The following CCDC60 variants were observed in gnomAD, a reference collection of about 807,000 sequenced individuals.
The protein encoded by CCDC60 is coiled-coil domain containing 60.
In CCDC60, 54 loss-of-function variants were observed where a neutral mutation model predicts 63.5. The ratio of observed to expected loss-of-function variants is 0.85; its 90% confidence interval spans 0.68 to 1.07. CCDC60 has a LOEUF of 1.07. Ranked by LOEUF, CCDC60 falls within the 50% of genes least tolerant of loss-of-function variation. The pLI, the probability that CCDC60 is intolerant of heterozygous loss-of-function variation, is 0.00. For missense variants in CCDC60, 651 were observed against 684.3 expected (o/e 0.95, Z 0.54); for synonymous variants, 206 against 238.8 (o/e 0.86, Z 1.27).
Position 119,530,937 on chromosome 12 carries a change from C to G in CCDC60, c.1425C>G (p.Ile475Met), listed in dbSNP as rs1409906643. ...AGAACTTCCGCCCCGCCAAAAAGAT[C>G]CTGGTGAAACTGCAGAAGTTTGGAG... ...DLKNFRPAKKILVKLQKFGEN... is the reference protein window; with the variant it reads ...DLKNFRPAKKMLVKLQKFGEN... The change falls in exon 13 of 14, where the codon ATC (isoleucine) becomes ATG (methionine). Residue 475 changes from isoleucine (I) to methionine (M), a missense_variant. Physicochemically the swap from Ile to Met is conservative, Grantham distance 10. Transcript: ENST00000327554. 1 of 1,614,154 alleles carries G rather than the reference C, an allele frequency of 6.2e-7. No homozygotes were observed. Among genetic ancestry groups the G allele is most frequent in the East Asian group, 2.2e-5 (1 of 44,886 alleles).
At chr12:119,453,210 C>T in intron 2 of CCDC60, among the ~76,000 whole-genome samples, 1 of 152,174 alleles carries the variant, frequency 6.6e-6, no homozygotes, top group East Asian at 1.9e-4. Flanking sequence ...CTGTTATCAG[C>T]ACTGTCTTCC....
In CCDC60 at chr12:119,425,496, T is replaced by C. The variant is rs919384185; in HGVS notation, c.91-3187T>C. Among the ~76,000 whole-genome samples the C allele has an allele frequency of 2.6e-5, 4 of 152,212 alleles. No individual in the cohort carries two copies. In the East Asian group the frequency reaches 7.7e-4, roughly 29 times the overall value. ...TGTATTTCAGATAGAATTTTGTGGC[T>C]GCAGGTAACAGAAAACCTAATTTAA... On this transcript the variant is annotated intron_variant, in intron 1 of 13. Coordinates refer to ENST00000327554, the MANE Select transcript of CCDC60 (RefSeq NM_178499.5).
At chr12:119,467,587 T>C (rs1950975029) in intron 2 of CCDC60, among the ~76,000 whole-genome samples, 1 of 152,260 alleles carries the variant, frequency 6.6e-6, no homozygotes, top group African/African-American at 2.4e-5. Context: ...GCTGGCACCC[T>C]GATCTTGGGC....
chr12:119,445,627 C>T (rs939825782), intron 2 of CCDC60, among the ~76,000 whole-genome samples: 9 of 151,980 alleles, frequency 5.9e-5, no homozygotes, highest in Admixed American at 5.2e-4. Context: ...TGTCATCGTG[C>T]CTGCAGTGTC....
intron 1 of CCDC60, among the ~76,000 whole-genome samples, chr12:119,392,979 A>T (rs1956187053): frequency 6.6e-6 from 1 of 152,114 alleles, no homozygotes; most frequent in South Asian, 2.1e-4. Flanking sequence ...ACACGGCAAG[A>T]ATCCATCACT....
chr12:119,516,746 A>G, intron 8 of CCDC60, 39 bp downstream of exon 8: 1 of 1,381,328 alleles, frequency 7.2e-7, no homozygotes, highest in Non-Finnish European at 1.0e-6. Context: ...AAAGCTTAGA[A>G]TAATAGCAAT....
In CCDC60 at chr12:119,516,688, A is replaced by T; in HGVS notation, c.949A>T (p.Met317Leu). 6.2e-7 allele frequency: 1 copy of T among 1,613,400 alleles called. No individual in the cohort carries two copies. Among genetic ancestry groups the T allele is most frequent in the African/African-American group, 1.3e-5 (1 of 75,012 alleles). Residue 317 changes from methionine to leucine, a missense_variant, in exon 8 of 14, where the codon ATG (methionine) becomes TTG (leucine). Physicochemically the swap from Met to Leu is conservative, Grantham distance 15. Transcript: ENST00000327554. ...GAGGACAGTCACAATAGAAAATGGG[A>T]TGCAAAGAAAAGCACCCAGGTATGT... ...ARRTVTIENG[M>L]QRKAPSILSV...
chr12:119,426,050 C>T (rs761740258), intron 1 of CCDC60, among the ~76,000 whole-genome samples: 3 of 152,074 alleles, frequency 2.0e-5, no homozygotes, highest in Non-Finnish European at 4.4e-5. Flanking sequence ...GGAAAGTACT[C>T]CTAGAGTTCC....
At chr12:119,360,334 C>T (rs1413307009) in intron 1 of CCDC60, among the ~76,000 whole-genome samples, 12 of 147,320 alleles carry the variant, frequency 8.1e-5, no homozygotes, top group Admixed American at 1.3e-4. Flanking sequence ...GCTGGCCAGG[C>T]GGGGGGCTGA....
chr12:119,491,875 G>A (rs1272631815), intron 5 of CCDC60, among the ~76,000 whole-genome samples: 1 of 152,136 alleles, frequency 6.6e-6, no homozygotes, highest in East Asian at 1.9e-4. Flanking sequence ...AGAACATCAT[G>A]TGGAATTTGG....
chr12:119,471,167 G>A (rs1362153065), intron 2 of CCDC60, among the ~76,000 whole-genome samples: 2 of 152,210 alleles, frequency 1.3e-5, no homozygotes, highest in Non-Finnish European at 2.9e-5. Context: ...CATCACGACT[G>A]AGAATGTCTT....
chr12:119,372,682 G>A (rs1955909633), intron 1 of CCDC60, among the ~76,000 whole-genome samples: 1 of 151,960 alleles, frequency 6.6e-6, no homozygotes, highest in South Asian at 2.1e-4. Context: ...GAGTCCCCCC[G>A]CCTTATCAGC....
Position 119,540,883 on chromosome 12 carries a change from G to A in CCDC60, c.*168G>A, listed in dbSNP as rs1953144283. Reference sequence around the variant, plus strand: ...CTGACTTCCAGCAACATTTTTAGAGGGGGATGGCCCCGGTGGCCCTCCCCT... The same window carrying A: ...CTGACTTCCAGCAACATTTTTAGAGAGGGATGGCCCCGGTGGCCCTCCCCT... On this transcript the variant is annotated 3_prime_UTR_variant, in exon 14 of 14. Transcript: ENST00000327554. The A allele has an allele frequency of 1.8e-6, 1 of 564,276 alleles. No homozygotes were observed. The allele number at this position is 564,276 out of a possible 1,614,324, so 35.0% of individuals were successfully genotyped here.
intron 12 of CCDC60, among the ~76,000 whole-genome samples, chr12:119,530,267 G>C (rs1264091485): frequency 6.9e-6 from 1 of 144,586 alleles, no homozygotes; most frequent in African/African-American, 2.5e-5. Context: ...GGGTGAGGGA[G>C]TTTTTTTTTT....
intron 1 of CCDC60, among the ~76,000 whole-genome samples, chr12:119,377,706 A>G (rs1014104423): frequency 6.6e-6 from 1 of 152,204 alleles, no homozygotes; most frequent in African/African-American, 2.4e-5. Flanking sequence ...CAAATCCAGG[A>G]AAATTTGGTT....
rs755519664 is a variant in CCDC60 at position 119,445,456 on chromosome 12, AGG to A, written c.170+16695_170+16696del. Reference sequence around the variant, plus strand: ...CTCAAAAAAAAAAAAAAAAAAAAAAAGGAATGCTCTGAGAAGCATTTTTCTGC... The same window carrying A: ...CTCAAAAAAAAAAAAAAAAAAAAAAAAATGCTCTGAGAAGCATTTTTCTGC... On this transcript the variant is annotated intron_variant, in intron 2 of 13. Coordinates refer to ENST00000327554, the MANE Select transcript of CCDC60 (RefSeq NM_178499.5). Among the ~76,000 whole-genome samples the A allele has an allele frequency of 5.7e-3, 809 of 143,180 alleles. 21 individuals carry two copies. The highest frequency in any genetic ancestry group is 5.5e-3 in the Non-Finnish European group (357 of 65,392). The allele number at this position is 143,180 out of a possible 152,430, so 93.9% of individuals were successfully genotyped here. A position where few individuals can be genotyped will look rare whatever the true frequency, so the allele number is the denominator to read the frequency against.
chr12:119,450,420 A>T (rs569919051), intron 2 of CCDC60, among the ~76,000 whole-genome samples: 10 of 152,298 alleles, frequency 6.6e-5, no homozygotes, highest in African/African-American at 2.2e-4. Context: ...AAAATTTTTT[A>T]AAAATTTTTA....
At chr12:119,408,296 A>G (rs1956529971) in intron 1 of CCDC60, among the ~76,000 whole-genome samples, 1 of 152,336 alleles carries the variant, frequency 6.6e-6, no homozygotes, top group South Asian at 2.1e-4. Flanking sequence ...TTATCTCACA[A>G]TCTCTGTGGG....
At position 119,456,052 on chromosome 12, in the gene CCDC60, A is replaced by AAGC. The variant is rs1566019573; in HGVS notation, c.171-15941_171-15940insGCA. On this transcript the variant is annotated intron_variant, in intron 2 of 13. Coordinates refer to ENST00000327554, the MANE Select transcript of CCDC60 (RefSeq NM_178499.5). This position sits in a 1 kb window ranked among gnomAD's most constrained non-coding sequence, Gnocchi z 4.6. ...GAAAGAAAGAAAGAAAGAAAGAAAG[A>AAGC]AAGAAAGAAAGCAAGCAAGCATGTG... 1.4e-3 allele frequency among the ~76,000 whole-genome samples: 164 copies of AAGC among 114,032 alleles called. 6 individuals are homozygous for AAGC. Among genetic ancestry groups the AAGC allele is most frequent in the East Asian group, 0.012 (27 of 2,182 alleles). 74.8% of individuals were successfully genotyped at this position (114,032 alleles called of 152,430 possible).
Sources: allele counts gnomAD v4.1 joint callset (sites outside exome capture counted in the v4.1 genomes callset), GRCh38; gene constraint gnomAD v4.1.1; non-coding constraint Gnocchi (gnomAD v3.1); transcripts MANE v1.5; gene names NCBI Gene and HGNC (gene_info 2026-07-23, HGNC 2026-07-21).